The following GRID1 variants were observed in gnomAD, a reference collection of about 807,000 sequenced individuals.
The protein encoded by GRID1 is glutamate ionotropic receptor delta type subunit 1.
A neutral mutation model predicts 98.0 loss-of-function variants in GRID1; 28 were observed. The observed-to-expected ratio is 0.29, with a 90% CI of 0.21 to 0.39. GRID1 has a LOEUF of 0.39. GRID1 is among the 10% of genes least tolerant of loss of function. The pLI is 1.00. For missense variants in GRID1, 1,111 were observed against 1,340.5 expected (o/e 0.83, Z 2.67); for synonymous variants, 553 against 538.5 (o/e 1.03, Z -0.37).
At chr10:86,232,599 A>G (rs940437374) in intron 2 of GRID1, among the ~76,000 whole-genome samples, 1 of 152,248 alleles carries the variant, frequency 6.6e-6, no homozygotes, top group African/African-American at 2.4e-5. Context: ...GAGAGAGTTT[A>G]GTAAAGGGAA....
intron 2 of GRID1, 46 bp downstream of exon 2, chr10:86,363,895 C>T (rs1258589651): frequency 1.9e-6 from 3 of 1,566,908 alleles, no homozygotes; most frequent in East Asian, 2.2e-5. Flanking sequence ...GCTGCGACGC[C>T]TCGCAGGCCG....
rs1847601450 is a variant in GRID1 at position 86,296,886 on chromosome 10, A to G, written c.235+67055T>C. 2.0e-5 allele frequency among the ~76,000 whole-genome samples: 3 copies of G among 152,364 alleles called. No individual in the cohort carries two copies. The South Asian group carries it at 6.2e-4, about 32-fold the overall frequency. ...CAGGCAAAAATACTTTTAGAAATGAACAAGAAGATCTCATTCACAGAAGCA... is the reference window on the plus strand; with the variant it reads ...CAGGCAAAAATACTTTTAGAAATGAGCAAGAAGATCTCATTCACAGAAGCA... On this transcript the variant is annotated intron_variant, in intron 2 of 15. Transcript: ENST00000327946.
At chr10:85,753,358 C>G (rs1420245135) in intron 8 of GRID1, among the ~76,000 whole-genome samples, 1 of 152,188 alleles carries the variant, frequency 6.6e-6, no homozygotes, top group Non-Finnish European at 1.5e-5. Context: ...CACTGTCAAG[C>G]ACACAGCAGG....
At chr10:86,305,822 C>CT (rs1847752369) in intron 2 of GRID1, among the ~76,000 whole-genome samples, 1 of 122,310 alleles carries the variant, frequency 8.2e-6, no homozygotes, top group Non-Finnish European at 2.0e-5. Context: ...ACTTTCTATA[C>CT]TTTGTCTACA....
intron 3 of GRID1, among the ~76,000 whole-genome samples, chr10:86,197,253 C>T (rs1006011759): frequency 6.6e-5 from 10 of 152,254 alleles, no homozygotes; most frequent in African/African-American, 2.2e-4. Context: ...GACGTCTGCA[C>T]GTGCAGGAAG....
intron 5 of GRID1, among the ~76,000 whole-genome samples, chr10:85,871,553 C>A (rs555585627): frequency 2.0e-5 from 3 of 152,210 alleles, no homozygotes; most frequent in Non-Finnish European, 2.9e-5. Context: ...CAAATAGCTA[C>A]ATTTTGAAAT....
intron 4 of GRID1, among the ~76,000 whole-genome samples, chr10:85,995,447 G>T (rs144786241): frequency 8.1e-4 from 123 of 152,288 alleles, no homozygotes; most frequent in African/African-American, 2.9e-3. Context: ...TAAAAACTAT[G>T]CAAGGGGAAA....
rs947596 is a variant in GRID1, at chr10:85,917,455, C to T, written c.727-1216G>A. Among the ~76,000 whole-genome samples, 1,473 of 152,246 alleles carry T rather than the reference C, an allele frequency of 9.7e-3. 63 individuals carry two copies. Among genetic ancestry groups the T allele is most frequent in the East Asian group, 0.083 (428 of 5,178 alleles). On this transcript the variant is annotated intron_variant, in intron 4 of 15. Transcript: ENST00000327946. ...CACCTTCTAGAAGATTTTACAGTTA[C>T]CTCCGCAAGTAAATAGCTACAAATA...
intron 8 of GRID1, among the ~76,000 whole-genome samples, chr10:85,755,906 A>T (rs2132691976): frequency 6.6e-6 from 1 of 152,234 alleles, no homozygotes; most frequent in African/African-American, 2.4e-5. Context: ...CCCACAGGCC[A>T]AAGACATGTT....
At chr10:85,810,009 T>C (rs1842656352) in intron 8 of GRID1, among the ~76,000 whole-genome samples, 1 of 152,218 alleles carries the variant, frequency 6.6e-6, no homozygotes, top group Non-Finnish European at 1.5e-5. Flanking sequence ...CATTATCCAA[T>C]TACCCAAGCT....
At position 86,330,877 on chromosome 10, in the gene GRID1, G is replaced by A. The variant is rs369285839; in HGVS notation, c.235+33064C>T. Among the ~76,000 whole-genome samples the A allele has an allele frequency of 1.6e-4, 24 of 152,336 alleles. No individual in the cohort carries two copies. The East Asian group carries it at 3.9e-3, about 25-fold the overall frequency. On this transcript the variant is annotated intron_variant, in intron 2 of 15. Coordinates refer to ENST00000327946, the MANE Select transcript of GRID1 (RefSeq NM_017551.3). ...GCAGGTGATGGCTCATCTCACAGAC[G>A]TCACCTTGCAGGAGCTTAGCCTCAG...
At chr10:85,727,348 C>G (rs60803809) in intron 10 of GRID1, among the ~76,000 whole-genome samples, 9,070 of 152,146 alleles carry the variant, frequency 0.06, 512 homozygotes, top group African/African-American at 0.15. Context: ...CCTCATGCCA[C>G]GAGTTTCAAT....
chr10:86,256,596 T>C (rs1846921097), intron 2 of GRID1, among the ~76,000 whole-genome samples: 1 of 152,072 alleles, frequency 6.6e-6, no homozygotes. Flanking sequence ...GGATCTCTCT[T>C]TGTCTCTCTC....
At chr10:85,771,300 C>T (rs984568201) in intron 8 of GRID1, among the ~76,000 whole-genome samples, 16 of 152,142 alleles carry the variant, frequency 1.1e-4, no homozygotes, top group Non-Finnish European at 2.2e-4. Context: ...CGAGGCCTGC[C>T]CTGAAAGAGC....
In GRID1 at chr10:85,724,550, T is replaced by A. The variant is rs746452874; in HGVS notation, c.1660A>T (p.Ile554Phe). Residue 554 changes from isoleucine to phenylalanine, a missense_variant, in exon 11 of 16, where the codon ATC becomes TTC. Physicochemically the swap from Ile to Phe is conservative, Grantham distance 21. This residue lies in a region of GRID1 where 762 missense variants were observed against 869.1 expected (regional missense o/e 0.88). Coordinates refer to ENST00000327946, the MANE Select transcript of GRID1 (RefSeq NM_017551.3). ...TCAAATGGAGCAAAGAGGGAGAAGA[T>A]GCTGATTTTCTCCTCGGGCTTCTTA... Reference protein sequence around the residue: ...LIKKPEEKISIFSLFAPFDFA... With the variant: ...LIKKPEEKISFFSLFAPFDFA... 6.9e-5 allele frequency: 112 copies of A among 1,613,700 alleles called. No homozygotes were observed. The highest frequency in any genetic ancestry group is 8.7e-5 in the Non-Finnish European group (103 of 1,180,012).
At chr10:85,800,957 C>A (rs1052576131) in intron 8 of GRID1, among the ~76,000 whole-genome samples, 1 of 151,848 alleles carries the variant, frequency 6.6e-6, no homozygotes, top group Non-Finnish European at 1.5e-5. Flanking sequence ...CTCCAATATA[C>A]ATAAAAGTCA....
chr10:86,038,827 A>G (rs1843306607), intron 4 of GRID1, among the ~76,000 whole-genome samples: 1 of 152,108 alleles, frequency 6.6e-6, no homozygotes, highest in Admixed American at 6.5e-5. Flanking sequence ...AGATGGTCTT[A>G]TTTCTGATTT....
intron 8 of GRID1, among the ~76,000 whole-genome samples, chr10:85,846,369 C>T (rs1044670691): frequency 6.6e-5 from 10 of 152,084 alleles, no homozygotes; most frequent in Non-Finnish European, 4.4e-5. Flanking sequence ...TCCATCTCTA[C>T]TAAAATCAGC....
chr10:85,875,024 C>T (rs1202774491), intron 5 of GRID1, among the ~76,000 whole-genome samples: 1 of 152,048 alleles, frequency 6.6e-6, no homozygotes, highest in Non-Finnish European at 1.5e-5. Flanking sequence ...TGCCACTACG[C>T]CTGGCTATTT....
Sources: allele counts gnomAD v4.1 joint callset (sites outside exome capture counted in the v4.1 genomes callset), GRCh38; gene constraint gnomAD v4.1.1; regional missense constraint gnomAD v4.1.1; transcripts MANE v1.5; gene names NCBI Gene and HGNC (gene_info 2026-07-23, HGNC 2026-07-21).